SLC7A7: variants seen among roughly 807,000 people sequenced by gnomAD.
SLC7A7 encodes the protein Y+L amino acid transporter 1.
Under a neutral mutation model 47.9 loss-of-function variants are expected in SLC7A7, and 39 were observed. The ratio of observed to expected loss-of-function variants is 0.81; its 90% CI spans 0.63 to 1.06. The LOEUF is 1.06. Ranked by LOEUF, SLC7A7 falls within the 50% of genes least tolerant of loss-of-function variation. The probability of loss-of-function intolerance (pLI) is 0.00; values close to 1 mark genes in which losing one functional copy is unlikely to be tolerated. For missense variants in SLC7A7, 588 were observed against 632.0 expected (o/e 0.93, Z 0.75); for synonymous variants, 234 against 242.8 (o/e 0.96, Z 0.34).
intron 2 of SLC7A7, among the ~76,000 whole-genome samples, chr14:22,788,527 AC>A (rs370323929): frequency 0.035 from 5,352 of 151,632 alleles, 277 homozygotes; most frequent in African/African-American, 0.12. Context: ...ACATGGTGAA[AC>A]CCCCGTCTCT....
chr14:22,779,355 G>A (rs1339595281), intron 3 of SLC7A7, among the ~76,000 whole-genome samples: 8 of 152,154 alleles, frequency 5.3e-5, no homozygotes, highest in Non-Finnish European at 2.9e-5. Context: ...GGGAGGCAGC[G>A]TGCATGGAAG....
Position 22,804,851 on chromosome 14 carries a change from C to G in SLC7A7, c.499+8049G>C, listed in dbSNP as rs570145988. 5.9e-5 allele frequency among the ~76,000 whole-genome samples: 9 copies of G among 151,758 alleles called. No individual in the cohort carries two copies. In the South Asian group the frequency reaches 1.7e-3, roughly 28 times the overall value. ...CTAACAATACAAAATTAGCCAAATA[C>G]AAAATTAGCTGGGCATGGGGGTGTG... is the stretch of plus-strand genomic sequence containing the variant. On this transcript the variant is annotated intron_variant, in intron 2 of 9. Transcript: ENST00000674313.
intron 2 of SLC7A7, among the ~76,000 whole-genome samples, chr14:22,790,992 G>A (rs574803198): frequency 5.3e-5 from 6 of 112,558 alleles, no homozygotes; most frequent in Admixed American, 1.1e-4. Context: ...GCGAGACTCC[G>A]TCTCACAAAA....
intron 2 of SLC7A7, among the ~76,000 whole-genome samples, chr14:22,787,945 T>C (rs891431379): frequency 9.4e-5 from 14 of 149,574 alleles, no homozygotes; most frequent in South Asian, 2.1e-4. Flanking sequence ...TGGTGGCGGG[T>C]GCCTGTAGTC....
At chr14:22,806,234 C>T (rs551456956) in intron 2 of SLC7A7, among the ~76,000 whole-genome samples, 1 of 104,448 alleles carries the variant, frequency 9.6e-6, no homozygotes, top group Admixed American at 1.4e-4. Context: ...CTTGCTCTGT[C>T]GCCCAGGCTA....
upstream of SLC7A7, among the ~76,000 whole-genome samples, chr14:22,817,583 C>T (rs774294921): frequency 1.3e-5 from 2 of 152,162 alleles, no homozygotes; most frequent in Non-Finnish European, 2.9e-5. Flanking sequence ...TCAGGCAATC[C>T]GCCCACCTCG....
rs1407131153 is a variant in SLC7A7, at chr14:22,813,140, C to T, written c.259G>A (p.Ala87Thr). The change falls in exon 2 of 10, where the codon GCC becomes ACC. Residue 87 changes from alanine to threonine, a missense_variant. By Grantham distance (58) the Ala-to-Thr change is moderately conservative (BLOSUM62 0). Coordinates refer to ENST00000674313, the MANE Select transcript of SLC7A7 (RefSeq NM_003982.4). The part of the protein sequence containing the change: ...AVGGLFSVFG[A>T]LCYAELGTTI... ...GTGCCCAGTTCCGCATAACAAAGGG[C>T]CCCAAAGACGGAGAAGAGGCCCCCG... is the stretch of plus-strand genomic sequence containing the variant. The T allele has an allele frequency of 1.2e-6, 2 of 1,614,030 alleles. No homozygotes were observed. Among genetic ancestry groups the T allele is most frequent in the Non-Finnish European group, 8.5e-7 (1 of 1,180,042 alleles).
At chr14:22,777,802 A>G (rs1233369535) in intron 4 of SLC7A7, among the ~76,000 whole-genome samples, 1 of 152,206 alleles carries the variant, frequency 6.6e-6, no homozygotes, top group Non-Finnish European at 1.5e-5. Context: ...AGCTGGGCAC[A>G]GTGGCTCATG....
chr14:22,783,725 A>G (rs1160163227), intron 2 of SLC7A7, among the ~76,000 whole-genome samples: 2 of 151,644 alleles, frequency 1.3e-5, no homozygotes, highest in South Asian at 2.1e-4. Context: ...CTACTTCTCT[A>G]TCCATCCATT....
Position 22,813,029 on chromosome 14 carries a change from G to A in SLC7A7, c.370C>T (p.Leu124=). ...FLAFIRLWTS[L]LIIEPTSQAI... is the part of the protein sequence containing the mutation. ...TGGCTGGTGGGCTCAATGATGAGCA[G>A]GGAGGTCCAGAGTCTGATGAAAGCA... Residue 124 remains leucine (L), a synonymous_variant, in exon 2 of 10, where the codon CTG becomes TTG. Coordinates refer to ENST00000674313, the MANE Select transcript of SLC7A7 (RefSeq NM_003982.4). 6.2e-7 allele frequency: 1 copy of A among 1,614,096 alleles called. No homozygotes were observed. The highest frequency in any genetic ancestry group is 1.1e-5 in the South Asian group (1 of 91,082).
At chr14:22,818,588 T>TG (rs981186373), upstream of SLC7A7, among the ~76,000 whole-genome samples, 3 of 143,254 alleles carry the variant, frequency 2.1e-5, no homozygotes, top group East Asian at 2.2e-4. Context: ...TTTTGGTTTT[T>TG]TTTTTTTTTT....
chr14:22,805,186 G>C (rs1484205574), intron 2 of SLC7A7, among the ~76,000 whole-genome samples: 1 of 152,020 alleles, frequency 6.6e-6, no homozygotes, highest in East Asian at 1.9e-4. Context: ...GCCAAGATGG[G>C]GAAACTCCAT....
At chr14:22,789,036 C>A (rs1594958512) in intron 2 of SLC7A7, among the ~76,000 whole-genome samples, 1 of 152,202 alleles carries the variant, frequency 6.6e-6, no homozygotes, top group East Asian at 1.9e-4. Flanking sequence ...TAAAATTGAA[C>A]CAAAAAGTGA....
intron 2 of SLC7A7, among the ~76,000 whole-genome samples, chr14:22,807,190 C>T (rs898532087): frequency 4.6e-5 from 7 of 152,132 alleles, no homozygotes; most frequent in East Asian, 3.9e-4. Context: ...TGAGCCACCG[C>T]GCCGGGCCAA....
chr14:22,788,629 G>A (rs556909572), intron 2 of SLC7A7, among the ~76,000 whole-genome samples: 181 of 151,412 alleles, frequency 1.2e-3, no homozygotes, highest in Admixed American at 4.2e-3. Context: ...GCTTGAACCC[G>A]GGAGGTGGAG....
chr14:22,781,040 C>T (rs939987416), intron 2 of SLC7A7, among the ~76,000 whole-genome samples: 2 of 152,132 alleles, frequency 1.3e-5, no homozygotes, highest in African/African-American at 2.4e-5. Context: ...TACAGATCTT[C>T]CCACTGGTAG....
rs34516291 is a variant in SLC7A7 at position 22,790,998 on chromosome 14, C to CAAAAA, written c.500-10952_500-10948dup. 2.0e-4 allele frequency among the ~76,000 whole-genome samples: 23 copies of CAAAAA among 113,260 alleles called. 1 individual carries two copies. In the Middle Eastern group the frequency reaches 0.017, roughly 82 times the overall value. 74.3% of individuals were successfully genotyped at this position (113,260 alleles called of 152,430 possible). A position where few individuals can be genotyped will look rare whatever the true frequency, so the allele number is the denominator to read the frequency against. On this transcript the variant is annotated intron_variant, in intron 2 of 9. Transcript: ENST00000674313. ...GGTGACAGAGCGAGACTCCGTCTCACAAAAAAAAAAAAAAAAGGTCAAATA... is the reference window on the plus strand; with the variant it reads ...GGTGACAGAGCGAGACTCCGTCTCACAAAAAAAAAAAAAAAAAAAAAGGTCAAATA...
intron 2 of SLC7A7, among the ~76,000 whole-genome samples, chr14:22,805,787 A>T (rs1252864045): frequency 6.6e-6 from 1 of 152,228 alleles, no homozygotes; most frequent in African/African-American, 2.4e-5. Context: ...AGTGGAAGAA[A>T]AATTAAATAA....
intron 2 of SLC7A7, among the ~76,000 whole-genome samples, chr14:22,799,032 G>GT (rs2039065060): frequency 6.6e-6 from 1 of 152,122 alleles, no homozygotes; most frequent in African/African-American, 2.4e-5. Flanking sequence ...TAGACACACA[G>GT]TAACACTTAA....
Sources: gnomAD v4.1 joint callset for allele counts (sites outside exome capture counted in the v4.1 genomes callset) on GRCh38, gnomAD v4.1.1 for gene constraint, MANE v1.5 for transcripts, NCBI Gene and HGNC (gene_info 2026-07-23, HGNC 2026-07-21) for gene names.